RASAL2: variants seen among roughly 807,000 people sequenced by gnomAD.
RASAL2 encodes the protein ras GTPase-activating protein nGAP.
A neutral mutation model predicts 128.9 loss-of-function variants in RASAL2; 58 were observed. That is an observed-to-expected ratio of 0.45 (90% CI 0.36 to 0.56). The LOEUF (loss-of-function observed/expected upper bound fraction) is 0.56, where lower values mean the gene tolerates loss of function less well. Among genes scored for constraint, RASAL2 ranks in the 20% least tolerant of loss-of-function variants. RASAL2 has a pLI of 0.00. For synonymous variants in RASAL2, 561 were observed against 580.8 expected (o/e 0.97, Z 0.49); for missense variants, 1,360 against 1,601.6 (o/e 0.85, Z 2.57).
rs1648474279 is a variant in RASAL2 at position 178,473,609 on chromosome 1, G to A, written c.*370G>A. The A allele has an allele frequency of 3.8e-6, 1 of 262,978 alleles. No individual in the cohort carries two copies. Among genetic ancestry groups the A allele is most frequent in the African/African-American group, 2.3e-5 (1 of 43,770 alleles). The allele number at this position is 262,978 out of a possible 1,614,324, so 16.3% of individuals were successfully genotyped here. A position where few individuals can be genotyped will look rare whatever the true frequency, so the allele number is the denominator to read the frequency against. ...TACAGGAAGTAAAGTAGGAACTGTT[G>A]TGTGAGCGAGACATGAGCCTGTAGG... On this transcript the variant is annotated 3_prime_UTR_variant, in exon 18 of 18. Coordinates refer to ENST00000367649, the MANE Select transcript of RASAL2 (RefSeq NM_170692.4).
intron 1 of RASAL2, among the ~76,000 whole-genome samples, chr1:178,197,214 T>G (rs974476150): frequency 6.6e-6 from 1 of 152,040 alleles, no homozygotes; most frequent in Non-Finnish European, 1.5e-5. Flanking sequence ...TCCCAAAACT[T>G]TGGGGGGCCG....
intron 8 of RASAL2, among the ~76,000 whole-genome samples, chr1:178,443,657 T>C (rs888970966): frequency 5.9e-5 from 9 of 152,198 alleles, no homozygotes; most frequent in Non-Finnish European, 1.3e-4. Flanking sequence ...AGAAGCATAT[T>C]GAGTATTAGC....
intron 4 of RASAL2, among the ~76,000 whole-genome samples, chr1:178,394,515 T>A (rs1673102397): frequency 6.6e-6 from 1 of 152,242 alleles, no homozygotes; most frequent in Non-Finnish European, 1.5e-5. Context: ...ATGATTTGTT[T>A]AATCACTTCT....
chr1:178,416,238 A>C (rs1674747162), intron 4 of RASAL2, among the ~76,000 whole-genome samples: 1 of 152,080 alleles, frequency 6.6e-6, no homozygotes, highest in African/African-American at 2.4e-5. Context: ...TTTTTTAAAA[A>C]ATTTAGTGGT....
chr1:178,420,350 T>G (rs1458765608), intron 4 of RASAL2, among the ~76,000 whole-genome samples, 161 bp from the exon 5 acceptor site: 1 of 152,228 alleles, frequency 6.6e-6, no homozygotes. Context: ...CATTGCCAGG[T>G]GGTTTCAAGT....
chr1:178,283,797 G>A (rs1160555324), intron 2 of RASAL2, 106 bp downstream of exon 2: 2 of 1,367,806 alleles, frequency 1.5e-6, no homozygotes, highest in African/African-American at 2.9e-5. Context: ...AAAAATAAAG[G>A]CTTGATGAAG....
chr1:178,165,231 G>A (rs1661481130), intron 1 of RASAL2, among the ~76,000 whole-genome samples: 1 of 152,128 alleles, frequency 6.6e-6, no homozygotes, highest in Admixed American at 6.6e-5. Context: ...ACATATATGT[G>A]TATATATGTC....
chr1:178,238,839 G>C (rs1664374342), intron 1 of RASAL2, among the ~76,000 whole-genome samples: 1 of 152,034 alleles, frequency 6.6e-6, no homozygotes, highest in Admixed American at 6.5e-5. Flanking sequence ...ATCCTGGAAT[G>C]ATTTATCTGC....
chr1:178,175,183 G>A (rs939861460), intron 1 of RASAL2, among the ~76,000 whole-genome samples: 2 of 152,080 alleles, frequency 1.3e-5, no homozygotes, highest in African/African-American at 4.8e-5. Context: ...ATTTTGACAT[G>A]TGTTTTTTTC....
At chr1:178,311,455 TCTC>T (rs758750701) in intron 3 of RASAL2, among the ~76,000 whole-genome samples, 7 of 151,820 alleles carry the variant, frequency 4.6e-5, no homozygotes, top group Non-Finnish European at 1.0e-4. Flanking sequence ...GATCCCCAGG[TCTC>T]CTCCTCTTCC....
At chr1:178,219,802 A>G (rs1278414046) in intron 1 of RASAL2, among the ~76,000 whole-genome samples, 2 of 151,994 alleles carry the variant, frequency 1.3e-5, no homozygotes. Flanking sequence ...TCTTCCTTTC[A>G]CCTGAACACT....
intron 3 of RASAL2, among the ~76,000 whole-genome samples, chr1:178,366,595 C>CCA (rs1183144314): frequency 8.2e-5 from 9 of 109,326 alleles, no homozygotes; most frequent in African/African-American, 2.9e-4. Context: ...CCCCCCCCGC[C>CCA]AAAAAAAAAC....
intron 4 of RASAL2, among the ~76,000 whole-genome samples, chr1:178,395,398 A>G (rs1366339217): frequency 6.6e-6 from 1 of 152,160 alleles, no homozygotes; most frequent in East Asian, 1.9e-4. Flanking sequence ...ACTAAGAAGC[A>G]GTATTTTCTC....
At chr1:178,138,800 A>C (rs1660426223) in intron 1 of RASAL2, among the ~76,000 whole-genome samples, 2 of 152,116 alleles carry the variant, frequency 1.3e-5, no homozygotes, top group Admixed American at 1.3e-4. Context: ...CATACCTCGA[A>C]GGACTTTTGT....
intron 6 of RASAL2, among the ~76,000 whole-genome samples, chr1:178,441,183 T>C (rs1471192582): frequency 5.9e-5 from 9 of 152,182 alleles, no homozygotes; most frequent in Admixed American, 5.9e-4. Context: ...TAGTTTCTTA[T>C]GGTATGATTT....
chr1:178,267,837 T>G lies in RASAL2; in HGVS notation c.203-15727T>G, dbSNP rs1377270564. Among the ~76,000 whole-genome samples, 3 of 152,118 alleles carry G rather than the reference T, an allele frequency of 2.0e-5. 1 individual carries two copies. Among genetic ancestry groups the G allele is most frequent in the Non-Finnish European group, 4.4e-5 (3 of 68,010 alleles). ...GGAAACATTCCTCATGGAGCCCTCC[T>G]CTTCTTACCTTTAGGCCTATTTCCT... On this transcript the variant is annotated intron_variant, in intron 1 of 17. Transcript: ENST00000367649.
chr1:178,276,041 C>G (rs566820190), intron 1 of RASAL2, among the ~76,000 whole-genome samples: 34 of 152,284 alleles, frequency 2.2e-4, no homozygotes, highest in African/African-American at 6.7e-4. Context: ...GACCTAATGA[C>G]TATATCTTAA....
intron 1 of RASAL2, among the ~76,000 whole-genome samples, chr1:178,239,739 A>G (rs1427287255): frequency 2.0e-5 from 3 of 152,020 alleles, no homozygotes; most frequent in African/African-American, 7.2e-5. Context: ...AGTAAGGAAT[A>G]CGTTTAAGAT....
At chr1:178,464,526 A>G in intron 15 of RASAL2, 114 bp downstream of exon 15, 2 of 1,200,656 alleles carry the variant, frequency 1.7e-6, no homozygotes, top group Non-Finnish European at 2.3e-6. Flanking sequence ...TCTACCCCTT[A>G]TGTTAATCAT....
Sources: allele counts gnomAD v4.1 joint callset (sites outside exome capture counted in the v4.1 genomes callset), GRCh38; gene constraint gnomAD v4.1.1; transcripts MANE v1.5; gene names NCBI Gene and HGNC (gene_info 2026-07-23, HGNC 2026-07-21).